KIF26B: variants seen among roughly 807,000 people sequenced by gnomAD.
KIF26B encodes kinesin family member 26B.
KIF26B carries 63 observed loss-of-function variants against 151.2 expected under a neutral mutation model. That is an observed-to-expected ratio of 0.42 (90% CI 0.34 to 0.51). KIF26B has a LOEUF of 0.51. Ranked by LOEUF, KIF26B falls within the 20% of genes least tolerant of loss-of-function variation. The pLI, the probability that KIF26B is intolerant of heterozygous loss-of-function variation, is 0.07. For synonymous variants in KIF26B, 1,357 were observed against 1,262.1 expected (o/e 1.08, Z -1.59); for missense variants, 2,813 against 2,913.6 (o/e 0.97, Z 0.79).
chr1:245,630,116 G>A (rs1031638567), intron 9 of KIF26B, among the ~76,000 whole-genome samples: 21 of 152,112 alleles, frequency 1.4e-4, no homozygotes, highest in Non-Finnish European at 1.5e-5. Context: ...AAATAGAAAC[G>A]CTTTCACATT....
At chr1:245,262,476 G>A (rs1670664679) in intron 2 of KIF26B, among the ~76,000 whole-genome samples, 1 of 151,614 alleles carries the variant, frequency 6.6e-6, no homozygotes, top group Admixed American at 6.6e-5. Flanking sequence ...TTTTTGAGAT[G>A]GAGTTTCGCT....
chr1:245,683,150 C>G (rs2044461803), intron 10 of KIF26B, among the ~76,000 whole-genome samples: 1 of 152,226 alleles, frequency 6.6e-6, no homozygotes, highest in South Asian at 2.1e-4. Context: ...TCTCTGCTGA[C>G]AGTGGCCTGA....
intron 5 of KIF26B, among the ~76,000 whole-genome samples, chr1:245,555,172 C>T (rs902969142): frequency 2.6e-5 from 4 of 151,900 alleles, no homozygotes; most frequent in African/African-American, 7.3e-5. Context: ...CAGGGGTAGG[C>T]GAGATTCTTG....
intron 9 of KIF26B, among the ~76,000 whole-genome samples, chr1:245,623,098 A>C (rs1235509491): frequency 6.8e-6 from 1 of 147,358 alleles, no homozygotes; most frequent in Non-Finnish European, 1.5e-5. Context: ...GCTACAATAA[A>C]CTGTACATAT....
At chr1:245,417,072 T>C (rs1674437184) in intron 3 of KIF26B, among the ~76,000 whole-genome samples, 2 of 151,464 alleles carry the variant, frequency 1.3e-5, no homozygotes, top group South Asian at 2.1e-4. Flanking sequence ...GACATGGACC[T>C]GCCCCCGCCC....
intron 2 of KIF26B, among the ~76,000 whole-genome samples, chr1:245,295,249 T>C (rs1420238178): frequency 6.6e-6 from 1 of 152,228 alleles, no homozygotes; most frequent in Non-Finnish European, 1.5e-5. Flanking sequence ...AAATTTTAGC[T>C]GAATTATTTT....
At chr1:245,697,015 G>A (rs1432554080) in intron 12 of KIF26B, among the ~76,000 whole-genome samples, 1 of 152,200 alleles carries the variant, frequency 6.6e-6, no homozygotes, top group African/African-American at 2.4e-5. Flanking sequence ...GGAGGCTGGG[G>A]CAGGAGAATT....
chr1:245,402,888 A>T (rs1674040792), intron 3 of KIF26B, among the ~76,000 whole-genome samples: 1 of 152,234 alleles, frequency 6.6e-6, no homozygotes, highest in East Asian at 1.9e-4. Flanking sequence ...ATGGCTGCGA[A>T]GAGTTTTCCT....
In KIF26B at chr1:245,325,116, A is replaced by G. The variant is rs1489208558; in HGVS notation, c.466-41718A>G. On this transcript the variant is annotated intron_variant, in intron 2 of 14. Transcript: ENST00000407071. Reference sequence around the variant, plus strand: ...TCTCAAAAAAAAAAAAAAAAAGAAAAAAAGAAAAAAGAAAGAAAATGATAT... The same window carrying G: ...TCTCAAAAAAAAAAAAAAAAAGAAAGAAAGAAAAAAGAAAGAAAATGATAT... Among the ~76,000 whole-genome samples, 4 of 151,662 alleles carry G rather than the reference A, an allele frequency of 2.6e-5. No individual in the cohort carries two copies. In the East Asian group the frequency reaches 7.7e-4, roughly 29 times the overall value.
At chr1:245,678,869 GA>G (rs35030829) in intron 10 of KIF26B, among the ~76,000 whole-genome samples, 57,079 of 142,802 alleles carry the variant, frequency 0.4, 11,888 homozygotes, top group Non-Finnish European at 0.48. Context: ...TCTCAAAAAA[GA>G]AAAAAAAAAA....
At position 245,494,460 on chromosome 1, in the gene KIF26B, T is replaced by A. The variant is rs369845575; in HGVS notation, c.1167-46307T>A. 3.1e-4 allele frequency among the ~76,000 whole-genome samples: 47 copies of A among 152,226 alleles called. No individual in the cohort carries two copies. The East Asian group carries it at 6.9e-3, about 23-fold the overall frequency. ...CGATACAAAATCTCAGTGAGCTCAG[T>A]CTGGGATTGGTTTAGCTTGATCACT... is the stretch of plus-strand genomic sequence containing the variant. On this transcript the variant is annotated intron_variant, in intron 4 of 14. Coordinates refer to ENST00000407071, the MANE Select transcript of KIF26B (RefSeq NM_018012.4).
In KIF26B at chr1:245,653,437, G is replaced by C. The variant is rs79341063; in HGVS notation, c.2258+7157G>C. Among the ~76,000 whole-genome samples, 908 of 152,200 alleles carry C rather than the reference G, an allele frequency of 6.0e-3. 11 individuals carry two copies. The highest frequency in any genetic ancestry group is 0.02 in the African/African-American group (848 of 41,528). ...GCCCCCGGTGAGAGTATTTCCCATC[G>C]TGAGCACCACAGCCGGGCGTTGTTC... On this transcript the variant is annotated intron_variant, in intron 10 of 14. Coordinates refer to ENST00000407071, the MANE Select transcript of KIF26B (RefSeq NM_018012.4).
chr1:245,532,675 A>G (rs1364771986), intron 4 of KIF26B, among the ~76,000 whole-genome samples: 1 of 152,078 alleles, frequency 6.6e-6, no homozygotes, highest in Non-Finnish European at 1.5e-5. Context: ...AATGGCCACC[A>G]TGTTTGCCTC....
chr1:245,686,133 C>A lies in KIF26B; in HGVS notation c.3150C>A (p.Leu1050=). 1.2e-6 allele frequency: 2 copies of A among 1,611,998 alleles called. No individual in the cohort carries two copies. Residue 1050 remains leucine (L), a synonymous_variant, in exon 12 of 15, where the codon CTC becomes CTA. Coordinates refer to ENST00000407071, the MANE Select transcript of KIF26B (RefSeq NM_018012.4). This position sits in a 1 kb window ranked among gnomAD's most constrained non-coding sequence, Gnocchi z 5.6. ...SPSLQSSRES[L]NSCGFVEGKP... ...GCCTCCAGAGCAGCCGGGAGAGCCTCAACTCCTGCGGCTTCGTGGAAGGCA... is the reference window on the plus strand; with the variant it reads ...GCCTCCAGAGCAGCCGGGAGAGCCTAAACTCCTGCGGCTTCGTGGAAGGCA...
intron 10 of KIF26B, among the ~76,000 whole-genome samples, chr1:245,648,840 TTC>T (rs2043981687): frequency 6.6e-6 from 1 of 152,124 alleles, no homozygotes. Flanking sequence ...ATTAAAGTGT[TTC>T]TGTGTCTCAA....
At position 245,442,124 on chromosome 1, in the gene KIF26B, T is replaced by A. The variant is rs182033442; in HGVS notation, c.1166+22379T>A. ...ACTATGAGGTCAGTATTACCATTTT[T>A]AAAACAATACTATGGAAAACAGAGC... On this transcript the variant is annotated intron_variant, in intron 4 of 14. Coordinates refer to ENST00000407071, the MANE Select transcript of KIF26B (RefSeq NM_018012.4). Among the ~76,000 whole-genome samples the A allele has an allele frequency of 4.0e-3, 608 of 152,334 alleles. 5 individuals are homozygous for A. Among genetic ancestry groups the A allele is most frequent in the African/African-American group, 0.013 (542 of 41,572 alleles).
At chr1:245,201,476 A>G (rs1395645332) in intron 2 of KIF26B, among the ~76,000 whole-genome samples, 4 of 152,192 alleles carry the variant, frequency 2.6e-5, no homozygotes, top group East Asian at 1.9e-4. Flanking sequence ...CAGCCCTGCC[A>G]TGGTTTTTTC....
intron 4 of KIF26B, among the ~76,000 whole-genome samples, chr1:245,457,031 A>C (rs1397224774): frequency 6.6e-6 from 1 of 152,094 alleles, no homozygotes; most frequent in Non-Finnish European, 1.5e-5. Flanking sequence ...ATGCCCAGCT[A>C]ATTTTTGTAT....
At chr1:245,286,853 A>G (rs1406480495) in intron 2 of KIF26B, among the ~76,000 whole-genome samples, 1 of 152,158 alleles carries the variant, frequency 6.6e-6, no homozygotes, top group East Asian at 1.9e-4. Flanking sequence ...CACGCCTGTA[A>G]TCCCAACACT....
Sources: allele counts gnomAD v4.1 joint callset (sites outside exome capture counted in the v4.1 genomes callset), GRCh38; gene constraint gnomAD v4.1.1; non-coding constraint Gnocchi (gnomAD v3.1); transcripts MANE v1.5; gene names NCBI Gene and HGNC (gene_info 2026-07-23, HGNC 2026-07-21).